The following CYTH3 variants were observed in gnomAD, a reference collection of about 807,000 sequenced individuals.
CYTH3 encodes the protein cytohesin 3.
CYTH3 carries 23 observed loss-of-function variants against 55.1 expected under a neutral mutation model. The observed-to-expected ratio is 0.42, with a 90% CI of 0.30 to 0.59. The LOEUF is 0.59. Ranked by LOEUF, CYTH3 falls within the 20% of genes least tolerant of loss-of-function variation. The pLI is 0.20. For synonymous variants in CYTH3, 249 were observed against 194.9 expected (o/e 1.28, Z -2.31); for missense variants, 413 against 524.8 (o/e 0.79, Z 2.08).
chr7:6,259,778 ATATATAATATATATATAT>A lies in CYTH3; in HGVS notation c.34+12678_34+12695del, dbSNP rs1562417604. Among the ~76,000 whole-genome samples the A allele has an allele frequency of 5.7e-3, 115 of 20,028 alleles. 2 individuals carry two copies. Among genetic ancestry groups the A allele is most frequent in the African/African-American group, 8.6e-3 (10 of 1,162 alleles). 13.1% of individuals were successfully genotyped at this position (20,028 alleles called of 152,430 possible). Reference sequence around the variant, plus strand: ...TATATTATATATATATATATTATATATATATAATATATATATATATATATATATATATATAATATATAT... The same window carrying A: ...TATATTATATATATATATATTATATAATATATATATATATATAATATATAT... On this transcript the variant is annotated intron_variant, in intron 1 of 12. Coordinates refer to ENST00000350796, the MANE Select transcript of CYTH3 (RefSeq NM_004227.4).
intron 1 of CYTH3, among the ~76,000 whole-genome samples, chr7:6,252,770 C>G (rs1780007747): frequency 6.6e-6 from 1 of 152,198 alleles, no homozygotes; most frequent in Admixed American, 6.5e-5. Flanking sequence ...GATCTGACAG[C>G]AAAAGTATCT....
intron 1 of CYTH3, among the ~76,000 whole-genome samples, chr7:6,210,019 G>C (rs976087875): frequency 2.0e-5 from 3 of 152,170 alleles, no homozygotes; most frequent in African/African-American, 7.2e-5. Flanking sequence ...TCTTCTGTAT[G>C]ATACGGTAAT....
At chr7:6,252,842 TTA>T (rs1780009490) in intron 1 of CYTH3, among the ~76,000 whole-genome samples, 3 of 152,210 alleles carry the variant, frequency 2.0e-5, no homozygotes, top group African/African-American at 7.2e-5. Flanking sequence ...GTTCATTTCT[TTA>T]TAAAACCATG....
rs1783171394 is a variant in CYTH3 at position 6,170,992 on chromosome 7, G to A, written c.563-14C>T. The A allele has an allele frequency of 1.9e-6, 3 of 1,613,194 alleles. No homozygotes were observed. Among genetic ancestry groups the A allele is most frequent in the South Asian group, 1.1e-5 (1 of 91,058 alleles). ...CGTAGCACGTGTCTGCAACGAGTCC[G>A]GGGTGCTGGGCTCAGCCAGAACCTC... is the stretch of plus-strand genomic sequence containing the variant. On this transcript the variant is annotated splice_polypyrimidine_tract_variant and intron_variant, in intron 7 of 12. Transcript: ENST00000350796. The surrounding 1 kb of genome is among the most constrained non-coding windows in gnomAD (Gnocchi z 7.8).
intron 1 of CYTH3, 150 bp downstream of exon 1, chr7:6,272,324 G>C: frequency 1.5e-6 from 1 of 667,698 alleles, no homozygotes. Context: ...CCCTGGCCCG[G>C]CGTGCCTCAG....
intron 1 of CYTH3, among the ~76,000 whole-genome samples, chr7:6,197,170 T>C (rs1039406427): frequency 6.6e-6 from 1 of 152,192 alleles, no homozygotes; most frequent in Non-Finnish European, 1.5e-5. Context: ...GTAATACCTA[T>C]CTTTTCCTAC....
At position 6,187,717 on chromosome 7, in the gene CYTH3, A is replaced by T; in HGVS notation, c.122T>A (p.Leu41Gln). The change falls in exon 3 of 13, where the codon CTG becomes CAG. Residue 41 changes from leucine (L) to glutamine (Q), a missense_variant. Physicochemically the swap from Leu to Gln is moderately radical, Grantham distance 113. Coordinates refer to ENST00000350796, the MANE Select transcript of CYTH3 (RefSeq NM_004227.4). ...CATCACCTCTGCAATTTCATATTTC[A>T]GCCTCTGTCAAAAAAGAAGAATTTC... ...KKELIDDIER[L>Q]KYEIAEVMTE... The T allele has an allele frequency of 6.2e-7, 1 of 1,614,110 alleles. No homozygotes were observed. The highest frequency in any genetic ancestry group is 8.5e-7 in the Non-Finnish European group (1 of 1,179,954).
rs770160713 is a variant in CYTH3, at chr7:6,175,294, C to G, written c.369-1561G>C. On this transcript the variant is annotated intron_variant, in intron 5 of 12. Coordinates refer to ENST00000350796, the MANE Select transcript of CYTH3 (RefSeq NM_004227.4). ...ATGATTAGCTATGAACACCACCATG[C>G]CCGGCCAGCCTTCAATTTCTTGATG... 4.6e-5 allele frequency among the ~76,000 whole-genome samples: 7 copies of G among 152,180 alleles called. No homozygotes were observed. The South Asian group carries it at 8.3e-4, about 18-fold the overall frequency.
rs182784615 is a variant in CYTH3, at chr7:6,256,000, T to C, written c.34+16474A>G. 3.6e-3 allele frequency among the ~76,000 whole-genome samples: 549 copies of C among 152,234 alleles called. 17 individuals carry two copies. Among genetic ancestry groups the C allele is most frequent in the Admixed American group, 0.034 (515 of 15,284 alleles). On this transcript the variant is annotated intron_variant, in intron 1 of 12. Coordinates refer to ENST00000350796, the MANE Select transcript of CYTH3 (RefSeq NM_004227.4). Reference sequence around the variant, plus strand: ...GGATGGTCTCGATCTCCTGACCTCGTGATCCACCCACCTCGGCCTCCCAAA... The same window carrying C: ...GGATGGTCTCGATCTCCTGACCTCGCGATCCACCCACCTCGGCCTCCCAAA...
intron 1 of CYTH3, among the ~76,000 whole-genome samples, chr7:6,200,114 T>C (rs1453976426): frequency 6.6e-6 from 1 of 152,170 alleles, no homozygotes; most frequent in East Asian, 1.9e-4. Flanking sequence ...CAAGGAAAAA[T>C]GGGAGATTGT....
chr7:6,250,810 G>C (rs1204305038), intron 1 of CYTH3, among the ~76,000 whole-genome samples: 1 of 152,180 alleles, frequency 6.6e-6, no homozygotes, highest in Admixed American at 6.5e-5. Flanking sequence ...TAATTTAAAA[G>C]GATGACTATA....
In CYTH3 at chr7:6,165,015, C is replaced by T; in HGVS notation, c.1129G>A (p.Ala377Thr). The change falls in exon 13 of 13, where the codon GCC (alanine) becomes ACC (threonine). Residue 377 changes from alanine (A) to threonine (T), a missense_variant and splice_region_variant. Physicochemically the swap from Ala to Thr is moderately conservative, Grantham distance 58 (BLOSUM62 0). Around this residue, in one of 4 missense-constraint regions of CYTH3, gnomAD observed 98 missense variants for 115.2 expected, o/e 0.85. Coordinates refer to ENST00000350796, the MANE Select transcript of CYTH3 (RefSeq NM_004227.4). ...EKEEWMKSIK[A>T]SISRDPFYDM... is the part of the protein sequence containing the mutation. Reference sequence around the variant, plus strand: ...TAGAAGGGATCTCTGCTGATACTGGCTCTGGTGAAAAAAGGAAAACACACA... The same window carrying T: ...TAGAAGGGATCTCTGCTGATACTGGTTCTGGTGAAAAAAGGAAAACACACA... 6.2e-7 allele frequency: 1 copy of T among 1,614,194 alleles called. No individual in the cohort carries two copies. Among genetic ancestry groups the T allele is most frequent in the Non-Finnish European group, 8.5e-7 (1 of 1,180,022 alleles).
At chr7:6,271,984 T>C (rs1302544994) in intron 1 of CYTH3, among the ~76,000 whole-genome samples, 4 of 152,100 alleles carry the variant, frequency 2.6e-5, no homozygotes, top group African/African-American at 4.8e-5. Context: ...CCGTTTCCCC[T>C]GCCCTCCCGT....
chr7:6,224,169 C>T (rs1294257777), intron 1 of CYTH3, among the ~76,000 whole-genome samples: 12 of 152,146 alleles, frequency 7.9e-5, no homozygotes, highest in African/African-American at 2.9e-4. Context: ...AGGTATCCAC[C>T]ACCATGCCTG....
At chr7:6,246,910 C>T (rs182565390) in intron 1 of CYTH3, among the ~76,000 whole-genome samples, 34 of 151,770 alleles carry the variant, frequency 2.2e-4, no homozygotes, top group Non-Finnish European at 4.4e-4. Flanking sequence ...CCACAAGTTC[C>T]GCATTCTTGA....
chr7:6,182,214 A>G (rs752843678), intron 4 of CYTH3, among the ~76,000 whole-genome samples: 1 of 151,722 alleles, frequency 6.6e-6, no homozygotes, highest in Non-Finnish European at 1.5e-5. Flanking sequence ...TACCCAGCTA[A>G]TTTTTTTCTA....
chr7:6,165,537 G>T lies in CYTH3; in HGVS notation c.972+8C>A. ...GGCAGGAGAGAAGGTTCAGGAGGAAGAGCTTACGGGTTTCCGGGGGTCCTC... is the reference window on the plus strand; with the variant it reads ...GGCAGGAGAGAAGGTTCAGGAGGAATAGCTTACGGGTTTCCGGGGGTCCTC... On this transcript the variant is annotated splice_region_variant and intron_variant, in intron 11 of 12. Coordinates refer to ENST00000350796, the MANE Select transcript of CYTH3 (RefSeq NM_004227.4). 1 of 1,613,590 alleles carries T rather than the reference G, an allele frequency of 6.2e-7. No individual in the cohort carries two copies. The highest frequency in any genetic ancestry group is 2.2e-5 in the East Asian group (1 of 44,874).
chr7:6,230,612 A>G (rs368771140), intron 1 of CYTH3, among the ~76,000 whole-genome samples: 41 of 152,226 alleles, frequency 2.7e-4, no homozygotes, highest in African/African-American at 9.9e-4. Flanking sequence ...CCACAATACT[A>G]GACACAGCAA....
intron 1 of CYTH3, among the ~76,000 whole-genome samples, chr7:6,228,252 A>G (rs1779301863): frequency 6.6e-6 from 1 of 152,264 alleles, no homozygotes; most frequent in Non-Finnish European, 1.5e-5. Flanking sequence ...CAGCACATTC[A>G]TAACAGAAAA....
Sources: gnomAD v4.1 joint callset for allele counts (sites outside exome capture counted in the v4.1 genomes callset) on GRCh38, gnomAD v4.1.1 for gene constraint, gnomAD v4.1.1 regional missense constraint, Gnocchi (gnomAD v3.1) non-coding constraint, MANE v1.5 for transcripts, NCBI Gene and HGNC (gene_info 2026-07-23, HGNC 2026-07-21) for gene names.